The following GUCY1B1 variants were observed in gnomAD, a reference collection of about 807,000 sequenced individuals.
GUCY1B1 encodes the protein guanylate cyclase 1 soluble subunit beta 1.
In GUCY1B1, 43 loss-of-function variants were observed where a neutral mutation model predicts 71.0. The observed-to-expected ratio is 0.61, with a 90% CI of 0.47 to 0.78. The LOEUF is 0.78. Among genes scored for constraint, GUCY1B1 ranks in the 30% least tolerant of loss-of-function variants. The probability of loss-of-function intolerance (pLI) is 0.00; values close to 1 mark genes in which losing one functional copy is unlikely to be tolerated. For missense variants in GUCY1B1, 535 were observed against 754.1 expected (o/e 0.71, Z 3.40); for synonymous variants, 266 against 259.7 (o/e 1.02, Z -0.23).
chr4:155,785,446 A>AAT lies in GUCY1B1; in HGVS notation c.298-4266_298-4265dup, dbSNP rs1738699275. ...AAGTGCTTCTGTGGGTATATTTAGA[A>AAT]ATAACACAGAATATCAGTTTTGATA... On this transcript the variant is annotated intron_variant, in intron 4 of 13. Transcript: ENST00000264424. 1.4e-5 allele frequency: 8 copies of AAT among 554,844 alleles called. 1 individual carries two copies. In the South Asian group the frequency reaches 2.1e-4, roughly 14 times the overall value. The allele number at this position is 554,844 out of a possible 1,614,324, so 34.4% of individuals were successfully genotyped here. A position where few individuals can be genotyped will look rare whatever the true frequency, so the allele number is the denominator to read the frequency against.
At chr4:155,791,756 ATAAAGCAAAAC>A (rs1739195241) in intron 5 of GUCY1B1, among the ~76,000 whole-genome samples, 1 of 138,574 alleles carries the variant, frequency 7.2e-6, no homozygotes, top group African/African-American at 2.7e-5. Context: ...AAAAAAAAAA[ATAAAGCAAAAC>A]AAAACGAAAA....
At chr4:155,759,539 C>T in intron 1 of GUCY1B1, 1 of 519,960 alleles carries the variant, frequency 1.9e-6, no homozygotes, top group Non-Finnish European at 3.3e-6. Context: ...GGAGCGGTGA[C>T]AGGTGAGGAG....
chr4:155,782,511 T>A (rs1738504265), intron 4 of GUCY1B1, among the ~76,000 whole-genome samples: 1 of 152,208 alleles, frequency 6.6e-6, no homozygotes, highest in East Asian at 1.9e-4. Flanking sequence ...ATGTTATTTC[T>A]ACCTTAATCC....
At chr4:155,800,683 A>T (rs2111164870) in intron 9 of GUCY1B1, among the ~76,000 whole-genome samples, 1 of 152,358 alleles carries the variant, frequency 6.6e-6, no homozygotes, top group African/African-American at 2.4e-5. Flanking sequence ...GACATGAAAG[A>T]TAATACTTGA....
Position 155,793,895 on chromosome 4 carries a change from T to C in GUCY1B1, c.535T>C (p.Phe179Leu), listed in dbSNP as rs752997013. The C allele has an allele frequency of 3.8e-6, 6 of 1,571,900 alleles. No homozygotes were observed. Among genetic ancestry groups the C allele is most frequent in the Non-Finnish European group, 4.4e-6 (5 of 1,141,502 alleles). The change falls in exon 6 of 14, where the codon TTT becomes CTT. Residue 179 changes from phenylalanine to leucine, a missense_variant. By Grantham distance (22) the Phe-to-Leu change is conservative. Transcript: ENST00000264424. ...AAATGAAGAATGTGATCATACTCAA[T>C]TTTTAATTGAAGAAAAAGAGTCAAA... is the stretch of plus-strand genomic sequence containing the variant. ...QRNEECDHTQ[F>L]LIEEKESKEE...
chr4:155,762,154 C>T (rs1737036908), intron 2 of GUCY1B1, among the ~76,000 whole-genome samples: 1 of 152,150 alleles, frequency 6.6e-6, no homozygotes, highest in Non-Finnish European at 1.5e-5. Flanking sequence ...AGAAAAGAAT[C>T]TTGCTGCCTG....
At chr4:155,804,183 A>C (rs950283812) in intron 11 of GUCY1B1, among the ~76,000 whole-genome samples, 16 of 152,192 alleles carry the variant, frequency 1.1e-4, no homozygotes, top group African/African-American at 3.9e-4. Context: ...AAATTCTTAT[A>C]GACATCTCTT....
At chr4:155,786,190 A>G (rs1293147934) in intron 4 of GUCY1B1, among the ~76,000 whole-genome samples, 2 of 151,836 alleles carry the variant, frequency 1.3e-5, no homozygotes, top group East Asian at 3.9e-4. Flanking sequence ...ACATTGGTAC[A>G]TTGATTTATG....
chr4:155,780,333 T>A (rs1322809879), intron 4 of GUCY1B1, among the ~76,000 whole-genome samples: 1 of 152,168 alleles, frequency 6.6e-6, no homozygotes, highest in Non-Finnish European at 1.5e-5. Context: ...TTTCCAGCAC[T>A]TTCCCCATAG....
intron 4 of GUCY1B1, among the ~76,000 whole-genome samples, chr4:155,788,937 T>C (rs557893511): frequency 5.9e-5 from 9 of 152,202 alleles, no homozygotes; most frequent in Admixed American, 1.3e-4. Context: ...ATGTATAGCT[T>C]ACACCGTTTC....
chr4:155,795,596 C>T, intron 7 of GUCY1B1, 139 bp downstream of exon 7: 1 of 527,390 alleles, frequency 1.9e-6, no homozygotes, highest in South Asian at 3.1e-5. Context: ...ATTTAAAAGG[C>T]AATAACATTG....
rs752378987 is a variant in GUCY1B1 at position 155,804,723 on chromosome 4, T to C, written c.1685T>C (p.Ile562Thr). The change falls in exon 12 of 14, where the codon ATA becomes ACA. Residue 562 changes from isoleucine to threonine, a missense_variant. Coordinates refer to ENST00000264424, the MANE Select transcript of GUCY1B1 (RefSeq NM_000857.5). ...GAAACCACAGGAGAAAAGGGAAAAATAAATGTGTCTGAATATACATACAGG... is the reference window on the plus strand; with the variant it reads ...GAAACCACAGGAGAAAAGGGAAAAACAAATGTGTCTGAATATACATACAGG... Reference protein sequence around the residue: ...RTETTGEKGKINVSEYTYRCL... With the variant: ...RTETTGEKGKTNVSEYTYRCL... The C allele has an allele frequency of 5.0e-6, 8 of 1,612,926 alleles. No individual in the cohort carries two copies. Among genetic ancestry groups the C allele is most frequent in the Non-Finnish European group, 6.8e-6 (8 of 1,179,364 alleles).
At chr4:155,765,016 T>C (rs1014688875) in intron 2 of GUCY1B1, among the ~76,000 whole-genome samples, 17 of 151,624 alleles carry the variant, frequency 1.1e-4, no homozygotes, top group African/African-American at 3.6e-4. Context: ...CCTTGCATTC[T>C]GTGATTTTTG....
intron 2 of GUCY1B1, among the ~76,000 whole-genome samples, chr4:155,765,877 C>G (rs1737299690): frequency 6.6e-6 from 1 of 152,112 alleles, no homozygotes; most frequent in South Asian, 2.1e-4. Flanking sequence ...ATGTAAACAC[C>G]TCTCAGCTTT....
At chr4:155,801,379 CA>C (rs1355864503) in intron 9 of GUCY1B1, among the ~76,000 whole-genome samples, 1 of 152,126 alleles carries the variant, frequency 6.6e-6, no homozygotes, top group Non-Finnish European at 1.5e-5. Flanking sequence ...AAGGTGATGT[CA>C]TTAGAAACCA....
At chr4:155,787,986 T>G (rs1738912323) in intron 4 of GUCY1B1, among the ~76,000 whole-genome samples, 1 of 152,226 alleles carries the variant, frequency 6.6e-6, no homozygotes, top group Non-Finnish European at 1.5e-5. Context: ...GTTGTTTTTC[T>G]TTTCTTCTCT....
chr4:155,759,913 G>C, intron 2 of GUCY1B1, 53 bp downstream of exon 2: 1 of 1,326,294 alleles, frequency 7.5e-7, no homozygotes, highest in Non-Finnish European at 1.1e-6. Context: ...AGTGTGGGAG[G>C]CCCCCCGCGC....
chr4:155,772,727 A>G (rs1579201631), intron 2 of GUCY1B1: 1 of 702,520 alleles, frequency 1.4e-6, no homozygotes, highest in East Asian at 2.7e-5. Flanking sequence ...GCCAGAAAAG[A>G]GAGATTTTAA....
In GUCY1B1 at chr4:155,759,534, G is replaced by C; in HGVS notation, c.4-253G>C. On this transcript the variant is annotated intron_variant, in intron 1 of 13. Transcript: ENST00000264424. Reference sequence around the variant, plus strand: ...CCCGATGCCCAGCCTCTCCCGGAGCGGTGACAGGTGAGGAGGGTGGGAAGA... The same window carrying C: ...CCCGATGCCCAGCCTCTCCCGGAGCCGTGACAGGTGAGGAGGGTGGGAAGA... The C allele has an allele frequency of 1.3e-5, 7 of 523,002 alleles. 1 individual carries two copies. The South Asian group carries it at 2.0e-4, about 15-fold the overall frequency. The allele number at this position is 523,002 out of a possible 1,614,324, so 32.4% of individuals were successfully genotyped here.
Sources: gnomAD v4.1 joint callset for allele counts (sites outside exome capture counted in the v4.1 genomes callset) on GRCh38, gnomAD v4.1.1 for gene constraint, MANE v1.5 for transcripts, NCBI Gene and HGNC (gene_info 2026-07-23, HGNC 2026-07-21) for gene names.